The following DLG2 variants were observed in gnomAD, a reference collection of about 807,000 sequenced individuals.
DLG2 encodes the protein discs large MAGUK scaffold protein 2.
A neutral mutation model predicts 132.5 loss-of-function variants in DLG2; 45 were observed. The ratio of observed to expected loss-of-function variants is 0.34; its 90% confidence interval spans 0.27 to 0.44. The LOEUF is 0.44. DLG2 is among the 20% of genes least tolerant of loss of function. The probability of loss-of-function intolerance (pLI) is 1.00; values close to 1 mark genes in which losing one functional copy is unlikely to be tolerated. For synonymous variants in DLG2, 424 were observed against 419.6 expected, an observed-to-expected ratio of 1.01 and a Z score of -0.13; for missense variants, 1,045 against 1,196.9, an observed-to-expected ratio of 0.87 and a Z score of 1.87.
intron 8 of DLG2, among the ~76,000 whole-genome samples, chr11:84,241,758 A>T (rs2097229788): frequency 6.6e-6 from 1 of 152,198 alleles, no homozygotes; most frequent in Admixed American, 6.5e-5. Flanking sequence ...AAGGTCTCCC[A>T]CTAGCTTTTA....
chr11:84,773,503 C>T (rs2069795433), intron 6 of DLG2, among the ~76,000 whole-genome samples: 1 of 152,150 alleles, frequency 6.6e-6, no homozygotes, highest in African/African-American at 2.4e-5. Flanking sequence ...CCCTGATGAA[C>T]ACAGATGCAA....
intron 3 of DLG2, among the ~76,000 whole-genome samples, chr11:85,466,345 T>C (rs1352238847): frequency 6.6e-6 from 1 of 152,234 alleles, no homozygotes; most frequent in Non-Finnish European, 1.5e-5. Context: ...TTGGCTTTTG[T>C]TGCCATTGCT....
chr11:83,712,611 G>A (rs1159003450), intron 18 of DLG2, among the ~76,000 whole-genome samples: 2 of 152,070 alleles, frequency 1.3e-5, no homozygotes, highest in African/African-American at 4.8e-5. Flanking sequence ...GCCTGGGCAA[G>A]AGAACATAAA....
chr11:85,324,767 A>G (rs1355792239), intron 3 of DLG2, among the ~76,000 whole-genome samples: 1 of 152,128 alleles, frequency 6.6e-6, no homozygotes, highest in Non-Finnish European at 1.5e-5. Context: ...GGGAGGGAGG[A>G]GCCAAGATGG....
intron 6 of DLG2, among the ~76,000 whole-genome samples, chr11:84,602,129 C>T (rs984168362): frequency 2.0e-5 from 3 of 151,950 alleles, no homozygotes; most frequent in African/African-American, 7.2e-5. Context: ...ACTGGGAATA[C>T]AGTAGTGGGA....
intron 3 of DLG2, among the ~76,000 whole-genome samples, chr11:85,553,880 T>A (rs2076799572): frequency 6.6e-6 from 1 of 150,992 alleles, no homozygotes; most frequent in Non-Finnish European, 1.5e-5. Context: ...AAAAGTAAAT[T>A]ATATTACATA....
At chr11:83,667,207 C>T (rs891348896) in intron 18 of DLG2, among the ~76,000 whole-genome samples, 4 of 152,100 alleles carry the variant, frequency 2.6e-5, no homozygotes, top group Non-Finnish European at 4.4e-5. Context: ...ATAACCTTTT[C>T]TTAGTGTATC....
At chr11:85,507,047 G>T (rs533843062) in intron 3 of DLG2, among the ~76,000 whole-genome samples, 4 of 152,034 alleles carry the variant, frequency 2.6e-5, no homozygotes, top group Admixed American at 2.6e-4. Context: ...TGCATTTTTT[G>T]TTTTCCATTT....
chr11:85,289,832 C>G (rs2078783009), intron 3 of DLG2, among the ~76,000 whole-genome samples: 1 of 152,148 alleles, frequency 6.6e-6, no homozygotes. Context: ...TTCTCTTCTG[C>G]AAAGTAAAAT....
intron 2 of DLG2, among the ~76,000 whole-genome samples, chr11:85,619,447 C>G (rs190870971): frequency 6.6e-6 from 1 of 151,866 alleles, no homozygotes; most frequent in African/African-American, 2.4e-5. Context: ...CTGTGTTTTC[C>G]CATCTTTCTC....
chr11:83,588,058 G>T (rs1230455666), intron 19 of DLG2, among the ~76,000 whole-genome samples: 1 of 152,208 alleles, frequency 6.6e-6, no homozygotes, highest in African/African-American at 2.4e-5. Flanking sequence ...GGCTAGGGGA[G>T]GGGCGCCCGC....
intron 7 of DLG2, among the ~76,000 whole-genome samples, chr11:84,278,360 G>A (rs2097806903): frequency 6.6e-6 from 1 of 151,912 alleles, no homozygotes; most frequent in Non-Finnish European, 1.5e-5. Context: ...AGAACTCCAG[G>A]CCCAGATGGC....
At chr11:85,273,702 C>T (rs574531846) in intron 4 of DLG2, among the ~76,000 whole-genome samples, 65 of 152,316 alleles carry the variant, frequency 4.3e-4, no homozygotes, top group African/African-American at 1.5e-3. Context: ...TGTGGTGATT[C>T]CTCCAGGATC....
At chr11:85,134,852 T>C (rs2076040888) in intron 5 of DLG2, among the ~76,000 whole-genome samples, 1 of 152,164 alleles carries the variant, frequency 6.6e-6, no homozygotes, top group Non-Finnish European at 1.5e-5. Context: ...AAAATATTTA[T>C]AGTTAAAAAA....
At chr11:84,731,031 T>C (rs1041110662) in intron 6 of DLG2, among the ~76,000 whole-genome samples, 1 of 152,056 alleles carries the variant, frequency 6.6e-6, no homozygotes, top group East Asian at 1.9e-4. Flanking sequence ...TATGTCCAGT[T>C]TGTTTAAAAT....
chr11:85,583,130 G>GTGTATATA (rs1555190569), intron 3 of DLG2, among the ~76,000 whole-genome samples: 67 of 13,594 alleles, frequency 4.9e-3, no homozygotes, highest in African/African-American at 6.9e-3. Flanking sequence ...GTGTGTGTGT[G>GTGTATATA]TATATATATA....
At chr11:84,010,205 A>G (rs1395378909) in intron 11 of DLG2, among the ~76,000 whole-genome samples, 3 of 152,090 alleles carry the variant, frequency 2.0e-5, no homozygotes, top group South Asian at 4.1e-4. Context: ...TTTTAGATCT[A>G]TATAAAGATT....
At chr11:85,529,519 C>A (rs1026241061) in intron 3 of DLG2, among the ~76,000 whole-genome samples, 1 of 151,914 alleles carries the variant, frequency 6.6e-6, no homozygotes, top group African/African-American at 2.4e-5. Flanking sequence ...GAAAAATGTT[C>A]CCTTTTATTT....
intron 10 of DLG2, among the ~76,000 whole-genome samples, 185 bp downstream of exon 10, chr11:84,098,737 CA>C (rs1289166615): frequency 1.3e-5 from 2 of 152,128 alleles, no homozygotes; most frequent in East Asian, 3.9e-4. Context: ...CCAACGAACA[CA>C]AATCAAACAC....
Sources: allele counts gnomAD v4.1 joint callset (sites outside exome capture counted in the v4.1 genomes callset), GRCh38; gene constraint gnomAD v4.1.1; transcripts MANE v1.5; gene names NCBI Gene and HGNC (gene_info 2026-07-23, HGNC 2026-07-21).